The following ZBTB22 variants were observed in gnomAD, a reference collection of about 807,000 sequenced individuals.
The protein encoded by ZBTB22 is zinc finger and BTB domain containing 22.
For missense variants in ZBTB22, 668 were observed against 834.1 expected, an observed-to-expected ratio of 0.80 and a Z score of 2.45; for synonymous variants, 356 against 347.3, an observed-to-expected ratio of 1.03 and a Z score of -0.28.
chr6:33,317,038 C>T lies in ZBTB22; in HGVS notation c.-69-53G>A, dbSNP rs369452815. The stretch of plus-strand genomic sequence containing the variant: ...GATAACATCTCATAACGACACAGCC[C>T]GTTACAACTCAAAAATATGTTCACG... On this transcript the variant is annotated intron_variant, in intron 1 of 1. Coordinates refer to ENST00000431845, the MANE Select transcript of ZBTB22 (RefSeq NM_005453.5). The T allele has an allele frequency of 4.1e-6, 5 of 1,229,204 alleles. No homozygotes were observed. In the African/African-American group the frequency reaches 6.1e-5, roughly 15 times the overall value. 76.1% of individuals were successfully genotyped at this position (1,229,204 alleles called of 1,614,324 possible).
rs867811095 is a variant in ZBTB22 at position 33,317,428 on chromosome 6, C to G, written c.-70+225G>C. Among the ~76,000 whole-genome samples, 21 of 152,096 alleles carry G rather than the reference C, an allele frequency of 1.4e-4. 1 individual carries two copies. Among genetic ancestry groups the G allele is most frequent in the South Asian group, 4.2e-4 (2 of 4,810 alleles). On this transcript the variant is annotated intron_variant, in intron 1 of 1. Coordinates refer to ENST00000431845, the MANE Select transcript of ZBTB22 (RefSeq NM_005453.5). ...TCCATCTCCCCTCAGGCTATGCCCC[C>G]CAAGCTCTCTCGCCGACCACGCCCC...
intron 1 of ZBTB22, among the ~76,000 whole-genome samples, 156 bp from the exon 2 acceptor site, chr6:33,317,141 G>A (rs1769939314): frequency 6.6e-6 from 1 of 152,164 alleles, no homozygotes; most frequent in South Asian, 2.1e-4. Context: ...GGAAACTAAA[G>A]CTCAGAAAGA....
In ZBTB22 at chr6:33,315,782, C is replaced by T; in HGVS notation, c.1135G>A (p.Glu379Lys). 1 of 1,613,246 alleles carries T rather than the reference C, an allele frequency of 6.2e-7. No homozygotes were observed. Among genetic ancestry groups the T allele is most frequent in the Non-Finnish European group, 8.5e-7 (1 of 1,179,490 alleles). Residue 379 changes from glutamate (E) to lysine (K), a missense_variant, in exon 2 of 2, where the codon GAG becomes AAG. By Grantham distance (56) the Glu-to-Lys change is moderately conservative. Transcript: ENST00000431845. This position sits in a 1 kb window ranked among gnomAD's most constrained non-coding sequence, Gnocchi z 5.4. ...DKGEEQVNFC[E>K]SSNDFGPYEG... ...TATGGGCCAAAGTCATTGGAGGACT[C>T]ACAGAAGTTGACCTGCTCCTCCCCC...
At position 33,314,901 on chromosome 6, in the gene ZBTB22, A is replaced by AT; in HGVS notation, c.*110dup. ...CCAGAATATATACAAGTCCACAGAGATAAAGGAAGACAGTAAGTGTGGTGG... is the reference window on the plus strand; with the variant it reads ...CCAGAATATATACAAGTCCACAGAGATTAAAGGAAGACAGTAAGTGTGGTGG... On this transcript the variant is annotated 3_prime_UTR_variant, in exon 2 of 2. Coordinates refer to ENST00000431845, the MANE Select transcript of ZBTB22 (RefSeq NM_005453.5). 1 of 1,480,362 alleles carries AT rather than the reference A, an allele frequency of 6.8e-7. No individual in the cohort carries two copies. The highest frequency in any genetic ancestry group is 9.0e-7 in the Non-Finnish European group (1 of 1,114,528). 91.7% of individuals were successfully genotyped at this position (1,480,362 alleles called of 1,614,324 possible).
rs1216111563 is a variant in ZBTB22 at position 33,316,208 on chromosome 6, C to T, written c.709G>A (p.Gly237Arg). 2 of 1,614,002 alleles carry T rather than the reference C, an allele frequency of 1.2e-6. No homozygotes were observed. The highest frequency in any genetic ancestry group is 1.7e-6 in the Non-Finnish European group (2 of 1,180,028). The part of the protein sequence containing the change: ...ASAVGSGERR[G>R]GGPVFPAPVV... ...GGGGCTGGGAATACAGGGCCACCTC[C>T]TCGACGCTCCCCACTGCCCACTGCA... Residue 237 changes from glycine (G) to arginine (R), a missense_variant, in exon 2 of 2, where the codon GGA becomes AGA. By Grantham distance (125) the Gly-to-Arg change is moderately radical. Coordinates refer to ENST00000431845, the MANE Select transcript of ZBTB22 (RefSeq NM_005453.5). This position sits in a 1 kb window ranked among gnomAD's most constrained non-coding sequence, Gnocchi z 7.2.
intron 1 of ZBTB22, 32 bp from the exon 2 acceptor site, chr6:33,317,017 A>C: frequency 7.4e-7 from 1 of 1,360,166 alleles, no homozygotes; most frequent in Non-Finnish European, 9.8e-7. Context: ...AATAATGATA[A>C]CATCTCATAA....
intron 1 of ZBTB22, 137 bp from the exon 2 acceptor site, chr6:33,317,122 G>A: frequency 1.7e-6 from 1 of 601,658 alleles, no homozygotes; most frequent in Middle Eastern, 4.5e-4. Flanking sequence ...AACCCCATTT[G>A]ACAGATGAGG....
At position 33,315,472 on chromosome 6, in the gene ZBTB22, C is replaced by T. The variant is rs1305679278; in HGVS notation, c.1445G>A (p.Gly482Glu). The T allele has an allele frequency of 6.2e-7, 1 of 1,614,108 alleles. No homozygotes were observed. The highest frequency in any genetic ancestry group is 8.5e-7 in the Non-Finnish European group (1 of 1,180,022). ...GVPGGTGSGD[G>E]NKIFLCHCGK... The stretch of plus-strand genomic sequence containing the variant: ...ACAATGGCACAGAAAGATCTTATTC[C>T]CGTCCCCACTGCCAGTCCCTCCAGG... Residue 482 changes from glycine (G) to glutamate (E), a missense_variant, in exon 2 of 2, where the codon GGG (glycine) becomes GAG (glutamate). Physicochemically the swap from Gly to Glu is moderately conservative, Grantham distance 98. Transcript: ENST00000431845. The surrounding 1 kb of genome is among the most constrained non-coding windows in gnomAD (Gnocchi z 5.4).
At position 33,315,601 on chromosome 6, in the gene ZBTB22, T is replaced by TGTGAGG. The variant is rs1360120436; in HGVS notation, c.1310_1315dup (p.Ser438_Gln439insProSer). 3.7e-6 allele frequency: 6 copies of TGTGAGG among 1,613,696 alleles called. No individual in the cohort carries two copies. The highest frequency in any genetic ancestry group is 1.3e-5 in the African/African-American group (1 of 74,774). ...GTTCCCTGGTGGTTGGCCAGGAGCC[T>TGTGAGG]GTGAGGATGAGGATGAAGACGACGA... On this transcript the variant is annotated inframe_insertion, in exon 2 of 2. Coordinates refer to ENST00000431845, the MANE Select transcript of ZBTB22 (RefSeq NM_005453.5). The surrounding 1 kb of genome is among the most constrained non-coding windows in gnomAD (Gnocchi z 5.4).
Position 33,314,639 on chromosome 6 carries a change from CACG to C in ZBTB22, c.*370_*372del, listed in dbSNP as rs964147314. 1.6e-4 allele frequency: 41 copies of C among 251,078 alleles called. No individual in the cohort carries two copies. Among genetic ancestry groups the C allele is most frequent in the African/African-American group, 8.5e-4 (38 of 44,722 alleles). The allele number at this position is 251,078 out of a possible 1,614,324, so 15.6% of individuals were successfully genotyped here. The stretch of plus-strand genomic sequence containing the variant: ...GGGTGGGGCTCAAAGGCCTTGTCTC[CACG>C]ACAACACAAACACAGACTTCAGGCA... On this transcript the variant is annotated 3_prime_UTR_variant, in exon 2 of 2. Transcript: ENST00000431845.
chr6:33,316,095 T>A lies in ZBTB22; in HGVS notation c.822A>T (p.Ala274=). 1 of 1,613,370 alleles carries A rather than the reference T, an allele frequency of 6.2e-7. No homozygotes were observed. The highest frequency in any genetic ancestry group is 8.5e-7 in the Non-Finnish European group (1 of 1,179,934). The change falls in exon 2 of 2, where the codon GCA becomes GCT. Residue 274 remains alanine (A), a synonymous_variant. Coordinates refer to ENST00000431845, the MANE Select transcript of ZBTB22 (RefSeq NM_005453.5). The surrounding 1 kb of genome is among the most constrained non-coding windows in gnomAD (Gnocchi z 7.2). ...LCDDGGDGRG[A]VVPGAGLRRP... is the part of the protein sequence containing the mutation. ...TCCGGAGCCCAGCCCCAGGAACCACTGCCCCCCTCCCATCCCCACCATCAT... is the reference window on the plus strand; with the variant it reads ...TCCGGAGCCCAGCCCCAGGAACCACAGCCCCCCTCCCATCCCCACCATCAT...
Position 33,315,428 on chromosome 6 carries a change from T to C in ZBTB22, c.1489A>G (p.Lys497Glu), listed in dbSNP as rs1173714466. Residue 497 changes from lysine to glutamate, a missense_variant, in exon 2 of 2, where the codon AAG becomes GAG. Transcript: ENST00000431845. This position sits in a 1 kb window ranked among gnomAD's most constrained non-coding sequence, Gnocchi z 5.4. ...LCHCGKAFSH[K>E]SMRDRHVNMH... Reference sequence around the variant, plus strand: ...TTCACGTGCCGGTCCCGCATGCTCTTGTGGGAGAAGGCCTTCCCACAATGG... The same window carrying C: ...TTCACGTGCCGGTCCCGCATGCTCTCGTGGGAGAAGGCCTTCCCACAATGG... The C allele has an allele frequency of 1.2e-6, 2 of 1,614,184 alleles. No individual in the cohort carries two copies. The highest frequency in any genetic ancestry group is 1.7e-6 in the Non-Finnish European group (2 of 1,180,032).
In ZBTB22 at chr6:33,314,797, G is replaced by A. The variant is rs1407678370; in HGVS notation, c.*215C>T. ...TGTACCCATCAGAGGGAAAGGAAGG[G>A]TTTAGTTCTGGAAATACCTTGGGGG... On this transcript the variant is annotated 3_prime_UTR_variant, in exon 2 of 2. Transcript: ENST00000431845. 4 of 932,054 alleles carry A rather than the reference G, an allele frequency of 4.3e-6. No individual in the cohort carries two copies. The highest frequency in any genetic ancestry group is 2.3e-5 in the South Asian group (1 of 43,182). The allele number at this position is 932,054 out of a possible 1,614,324, so 57.7% of individuals were successfully genotyped here.
Position 33,316,370 on chromosome 6 carries a change from G to A in ZBTB22, c.547C>T (p.Pro183Ser), listed in dbSNP as rs75451899. 2.5e-6 allele frequency: 4 copies of A among 1,613,870 alleles called. No homozygotes were observed. The highest frequency in any genetic ancestry group is 2.2e-5 in the East Asian group (1 of 44,894). The change falls in exon 2 of 2, where the codon CCT becomes TCT. Residue 183 changes from proline to serine, a missense_variant. Transcript: ENST00000431845. The surrounding 1 kb of genome is among the most constrained non-coding windows in gnomAD (Gnocchi z 7.2). ...VPSGSGGTVAPATMGSARSHA... is the reference protein window; with the variant it reads ...VPSGSGGTVASATMGSARSHA... ...GAGCGCGCAGAGCCCATGGTAGCAG[G>A]GGCCACAGTGCCCCCACTCCCGGAT... is the stretch of plus-strand genomic sequence containing the variant.
At position 33,315,761 on chromosome 6, in the gene ZBTB22, G is replaced by A; in HGVS notation, c.1156C>T (p.Pro386Ser). Reference sequence around the variant, plus strand: ...GCCACAGGACCCCCACCCTCATATGGGCCAAAGTCATTGGAGGACTCACAG... The same window carrying A: ...GCCACAGGACCCCCACCCTCATATGAGCCAAAGTCATTGGAGGACTCACAG... The part of the protein sequence containing the change: ...NFCESSNDFG[P>S]YEGGGPVAGL... The change falls in exon 2 of 2, where the codon CCA (proline) becomes TCA (serine). Residue 386 changes from proline (P) to serine (S), a missense_variant. Transcript: ENST00000431845. This position sits in a 1 kb window ranked among gnomAD's most constrained non-coding sequence, Gnocchi z 5.4. 1.2e-6 allele frequency: 2 copies of A among 1,613,224 alleles called. No homozygotes were observed. Among genetic ancestry groups the A allele is most frequent in the Non-Finnish European group, 1.7e-6 (2 of 1,179,532 alleles).
Position 33,314,707 on chromosome 6 carries a change from G to C in ZBTB22, c.*305C>G. On this transcript the variant is annotated 3_prime_UTR_variant, in exon 2 of 2. Transcript: ENST00000431845. ...CTGACCCCTGACCCTGTGACTGCAGGATGTTCAACACGCCCCCTCTCCCTC... is the reference window on the plus strand; with the variant it reads ...CTGACCCCTGACCCTGTGACTGCAGCATGTTCAACACGCCCCCTCTCCCTC... 2 of 409,198 alleles carry C rather than the reference G, an allele frequency of 4.9e-6. No homozygotes were observed. Among genetic ancestry groups the C allele is most frequent in the Non-Finnish European group, 8.6e-6 (2 of 232,508 alleles). 25.3% of individuals were successfully genotyped at this position (409,198 alleles called of 1,614,324 possible).
chr6:33,314,795 G>C lies in ZBTB22; in HGVS notation c.*217C>G. ...AGTGTACCCATCAGAGGGAAAGGAA[G>C]GGTTTAGTTCTGGAAATACCTTGGG... On this transcript the variant is annotated 3_prime_UTR_variant, in exon 2 of 2. Transcript: ENST00000431845. 1 of 888,012 alleles carries C rather than the reference G, an allele frequency of 1.1e-6. No individual in the cohort carries two copies. Among genetic ancestry groups the C allele is most frequent in the Non-Finnish European group, 1.6e-6 (1 of 626,692 alleles). 55.0% of individuals were successfully genotyped at this position (888,012 alleles called of 1,614,324 possible). A position where few individuals can be genotyped will look rare whatever the true frequency, so the allele number is the denominator to read the frequency against.
Position 33,315,764 on chromosome 6 carries a change from CAA to C in ZBTB22, c.1151_1152del (p.Phe384TrpfsTer4). On this transcript the variant is annotated frameshift_variant, in exon 2 of 2. Transcript: ENST00000431845. LOFTEE classifies it low-confidence loss of function (END_TRUNC). This position sits in a 1 kb window ranked among gnomAD's most constrained non-coding sequence, Gnocchi z 5.4. ...QVNFCESSND[F>X]GPYEGGGPVA... ...ACAGGACCCCCACCCTCATATGGGCCAAAGTCATTGGAGGACTCACAGAAGTT... is the reference window on the plus strand; with the variant it reads ...ACAGGACCCCCACCCTCATATGGGCCAGTCATTGGAGGACTCACAGAAGTT... 1 of 1,613,300 alleles carries C rather than the reference CAA, an allele frequency of 6.2e-7. No individual in the cohort carries two copies. Among genetic ancestry groups the C allele is most frequent in the Non-Finnish European group, 8.5e-7 (1 of 1,179,536 alleles).
At chr6:33,317,182 T>C (rs1769941214) in intron 1 of ZBTB22, among the ~76,000 whole-genome samples, 197 bp from the exon 2 acceptor site, 1 of 152,144 alleles carries the variant, frequency 6.6e-6, no homozygotes, top group African/African-American at 2.4e-5. Flanking sequence ...ACACAGCAAG[T>C]GGCAGCGCCA....
Sources: allele counts gnomAD v4.1 joint callset (sites outside exome capture counted in the v4.1 genomes callset), GRCh38; gene constraint gnomAD v4.1.1; non-coding constraint Gnocchi (gnomAD v3.1); transcripts MANE v1.5; gene names NCBI Gene and HGNC (gene_info 2026-07-23, HGNC 2026-07-21).